SPIN1: variants seen among roughly 807,000 people sequenced by gnomAD.
The protein encoded by SPIN1 is spindlin 1.
SPIN1 carries 3 observed loss-of-function variants against 26.0 expected under a neutral mutation model. The ratio of observed to expected loss-of-function variants is 0.12; its 90% CI spans 0.05 to 0.30. The LOEUF is 0.30. SPIN1 is among the 10% of genes least tolerant of loss of function. The probability of loss-of-function intolerance (pLI) is 1.00; values close to 1 mark genes in which losing one functional copy is unlikely to be tolerated. For missense variants in SPIN1, 126 were observed against 333.4 expected, an observed-to-expected ratio of 0.38 and a Z score of 4.84; for synonymous variants, 101 against 116.5, an observed-to-expected ratio of 0.87 and a Z score of 0.86.
intron 1 of SPIN1, among the ~76,000 whole-genome samples, chr9:88,396,430 C>T (rs1007920414): frequency 2.0e-5 from 3 of 151,572 alleles, no homozygotes; most frequent in African/African-American, 4.8e-5. Context: ...GGTGAAACCC[C>T]GTCTCTACTA....
chr9:88,418,766 A>G (rs568821661), intron 1 of SPIN1: 2 of 152,286 alleles, frequency 1.3e-5, no homozygotes, highest in African/African-American at 4.8e-5. Context: ...CTATGTGTTT[A>G]TTTTTAAATA....
intron 4 of SPIN1, among the ~76,000 whole-genome samples, chr9:88,466,520 A>G (rs566112919): frequency 6.6e-6 from 1 of 152,170 alleles, no homozygotes; most frequent in South Asian, 2.1e-4. Context: ...GCTTTAAGAA[A>G]CTAGTGGGGT....
intron 2 of SPIN1, 141 bp downstream of exon 2, chr9:88,426,732 TAAG>T (rs1316465863): frequency 1.6e-5 from 9 of 546,168 alleles, no homozygotes; most frequent in Admixed American, 7.5e-5. Flanking sequence ...ATGCATATAT[TAAG>T]AAGCAGATTT....
chr9:88,429,131 T>G (rs997269239), intron 2 of SPIN1, among the ~76,000 whole-genome samples: 2 of 152,144 alleles, frequency 1.3e-5, no homozygotes, highest in African/African-American at 4.8e-5. Flanking sequence ...CCTCCCATAG[T>G]GTTGGGATTA....
chr9:88,449,846 CAA>C (rs933545628), intron 3 of SPIN1, among the ~76,000 whole-genome samples: 4 of 151,998 alleles, frequency 2.6e-5, no homozygotes, highest in African/African-American at 9.7e-5. Context: ...CATTTTCCCC[CAA>C]AATATTTATA....
At chr9:88,460,248 G>A (rs75561980) in intron 3 of SPIN1, among the ~76,000 whole-genome samples, 3,197 of 152,012 alleles carry the variant, frequency 0.021, 55 homozygotes, top group Non-Finnish European at 0.035. Flanking sequence ...TTTTGTCCCC[G>A]TCTGTCCCCT....
At chr9:88,435,728 C>T (rs1304627683) in intron 2 of SPIN1, among the ~76,000 whole-genome samples, 1 of 152,074 alleles carries the variant, frequency 6.6e-6, no homozygotes, top group Non-Finnish European at 1.5e-5. Flanking sequence ...GGGTCATTTA[C>T]CTTCTTACAC....
intron 5 of SPIN1, among the ~76,000 whole-genome samples, chr9:88,469,385 A>G (rs1828733983): frequency 6.6e-6 from 1 of 152,200 alleles, no homozygotes; most frequent in Non-Finnish European, 1.5e-5. Flanking sequence ...ACTTTTCAGT[A>G]GCAAGTGGAG....
chr9:88,427,300 A>G (rs1169606000), intron 2 of SPIN1, among the ~76,000 whole-genome samples: 2 of 152,248 alleles, frequency 1.3e-5, no homozygotes, highest in East Asian at 1.9e-4. Flanking sequence ...ATTTAGAACA[A>G]TTTCTTCTAT....
chr9:88,462,933 A>G (rs182538582), intron 4 of SPIN1, among the ~76,000 whole-genome samples, 184 bp downstream of exon 4: 6 of 152,284 alleles, frequency 3.9e-5, no homozygotes, highest in Admixed American at 2.6e-4. Context: ...GAACTGTGTG[A>G]GGGATATAGA....
At chr9:88,397,921 G>A (rs140179659) in intron 1 of SPIN1, among the ~76,000 whole-genome samples, 24 of 151,722 alleles carry the variant, frequency 1.6e-4, no homozygotes, top group African/African-American at 5.1e-4. Flanking sequence ...ACCGTGCCCA[G>A]CCTGAAGTTG....
At chr9:88,441,123 A>G (rs928654749) in intron 2 of SPIN1, among the ~76,000 whole-genome samples, 7 of 151,910 alleles carry the variant, frequency 4.6e-5, no homozygotes, top group Admixed American at 4.6e-4. Context: ...ATAAACATGT[A>G]CATTATTGTC....
intron 1 of SPIN1, among the ~76,000 whole-genome samples, chr9:88,412,790 T>G (rs1464367597): frequency 6.6e-6 from 1 of 151,900 alleles, no homozygotes; most frequent in Non-Finnish European, 1.5e-5. Flanking sequence ...TTCAAGTGAT[T>G]CTCCCACTTC....
intron 1 of SPIN1, among the ~76,000 whole-genome samples, chr9:88,392,247 A>G (rs1826939444): frequency 6.6e-6 from 1 of 152,124 alleles, no homozygotes; most frequent in African/African-American, 2.4e-5. Context: ...AGTCCAATTT[A>G]ATGTTAAATT....
intron 1 of SPIN1, chr9:88,410,678 A>G: frequency 7.3e-7 from 1 of 1,377,144 alleles, no homozygotes; most frequent in Non-Finnish European, 1.0e-6. Flanking sequence ...GTGGGTCCAA[A>G]ATTTGAAGAC....
chr9:88,458,118 T>G (rs1393719949), intron 3 of SPIN1, among the ~76,000 whole-genome samples: 1 of 152,180 alleles, frequency 6.6e-6, no homozygotes, highest in East Asian at 1.9e-4. Flanking sequence ...TAAAGATAAT[T>G]GTTGGAAGAC....
At chr9:88,428,654 T>C (rs1180443812) in intron 2 of SPIN1, among the ~76,000 whole-genome samples, 1 of 152,206 alleles carries the variant, frequency 6.6e-6, no homozygotes, top group Non-Finnish European at 1.5e-5. Context: ...TTTATTTTTT[T>C]TAAAGGGTGA....
chr9:88,460,223 C>T (rs1370379320), intron 3 of SPIN1, among the ~76,000 whole-genome samples: 1 of 152,086 alleles, frequency 6.6e-6, no homozygotes, highest in Non-Finnish European at 1.5e-5. Flanking sequence ...GTTACCATCT[C>T]TTAATTCTTT....
At chr9:88,466,984 G>T (rs904679988) in intron 4 of SPIN1, among the ~76,000 whole-genome samples, 5 of 152,114 alleles carry the variant, frequency 3.3e-5, no homozygotes, top group African/African-American at 1.2e-4. Flanking sequence ...TGATTCGCCC[G>T]CCTTGGACTC....
Sources: allele counts gnomAD v4.1 joint callset (sites outside exome capture counted in the v4.1 genomes callset), GRCh38; gene constraint gnomAD v4.1.1; transcripts MANE v1.5; gene names NCBI Gene and HGNC (gene_info 2026-07-23, HGNC 2026-07-21).